NLGN1: variants seen among roughly 807,000 people sequenced by gnomAD.
NLGN1 encodes the protein neuroligin-1.
In NLGN1, 12 loss-of-function variants were observed where a neutral mutation model predicts 65.5. The observed-to-expected ratio is 0.18, with a 90% CI of 0.12 to 0.30. NLGN1 has a LOEUF of 0.30. Ranked by LOEUF, NLGN1 falls within the 10% of genes least tolerant of loss-of-function variation. The pLI is 1.00. For missense variants in NLGN1, 750 were observed against 1,007.1 expected, an observed-to-expected ratio of 0.74 and a Z score of 3.46; for synonymous variants, 350 against 359.5, an observed-to-expected ratio of 0.97 and a Z score of 0.30.
intron 3 of NLGN1, among the ~76,000 whole-genome samples, chr3:173,744,109 A>G (rs1468609650): frequency 6.6e-6 from 1 of 152,122 alleles, no homozygotes; most frequent in East Asian, 1.9e-4. Flanking sequence ...GGCCAAACTA[A>G]TCAACATTTA....
chr3:174,024,005 G>C (rs1728310196), intron 4 of NLGN1, among the ~76,000 whole-genome samples: 1 of 152,082 alleles, frequency 6.6e-6, no homozygotes, highest in Admixed American at 6.6e-5. Flanking sequence ...TAACATCACA[G>C]GGTGCAAGTA....
At chr3:173,647,030 G>C (rs191852549) in intron 3 of NLGN1, among the ~76,000 whole-genome samples, 1 of 152,218 alleles carries the variant, frequency 6.6e-6, no homozygotes. Context: ...AAGAAAGCCA[G>C]AATGGCTATG....
At chr3:173,716,473 A>T (rs945189493) in intron 3 of NLGN1, among the ~76,000 whole-genome samples, 16 of 152,142 alleles carry the variant, frequency 1.1e-4, no homozygotes, top group Non-Finnish European at 4.4e-5. Flanking sequence ...TGCTGCTAAT[A>T]TACAGGAAGC....
intron 4 of NLGN1, among the ~76,000 whole-genome samples, chr3:173,837,481 A>G (rs1024229592): frequency 2.6e-5 from 4 of 152,304 alleles, no homozygotes; most frequent in Middle Eastern, 3.4e-3. Context: ...TTATAAAAGT[A>G]TCTGAAGACT....
At chr3:174,211,929 GGCTGCAGGTGGA>G (rs1358269428) in intron 4 of NLGN1, among the ~76,000 whole-genome samples, 1 of 152,198 alleles carries the variant, frequency 6.6e-6, no homozygotes, top group East Asian at 1.9e-4. Flanking sequence ...CCCGCACTGG[GGCTGCAGGTGGA>G]GCTGCCTGCC....
chr3:173,803,540 G>A (rs994931712), intron 3 of NLGN1, among the ~76,000 whole-genome samples: 15 of 152,190 alleles, frequency 9.9e-5, no homozygotes, highest in African/African-American at 3.6e-4. Flanking sequence ...TCTGGGAGGT[G>A]GAGATTGCAA....
At chr3:173,684,822 TAGC>T (rs1174711202) in intron 3 of NLGN1, among the ~76,000 whole-genome samples, 3 of 152,344 alleles carry the variant, frequency 2.0e-5, no homozygotes, top group African/African-American at 7.2e-5. Context: ...TTCCTGACCT[TAGC>T]AGTTAAAATT....
At chr3:173,737,351 A>G (rs1325039508) in intron 3 of NLGN1, among the ~76,000 whole-genome samples, 2 of 151,978 alleles carry the variant, frequency 1.3e-5, no homozygotes, top group Admixed American at 6.6e-5. Context: ...TCACCACAAT[A>G]CATTTTGAAA....
At chr3:174,012,701 G>C (rs1473577032) in intron 4 of NLGN1, among the ~76,000 whole-genome samples, 2 of 152,054 alleles carry the variant, frequency 1.3e-5, no homozygotes, top group Admixed American at 6.6e-5. Flanking sequence ...GTCAAATATT[G>C]GTCATAGCTG....
chr3:173,812,644 T>A (rs542061430), intron 4 of NLGN1, among the ~76,000 whole-genome samples: 4 of 151,680 alleles, frequency 2.6e-5, no homozygotes, highest in African/African-American at 7.2e-5. Flanking sequence ...GGCGGAAGGA[T>A]CAGTTGCGTC....
chr3:173,807,702 C>G lies in NLGN1; in HGVS notation c.516C>G (p.Pro172=), dbSNP rs781061243. The G allele has an allele frequency of 4.3e-6, 7 of 1,613,616 alleles. No individual in the cohort carries two copies. The South Asian group carries it at 7.7e-5, about 18-fold the overall frequency. ...CAGATATTCGGGACAGTGGGGGTCC[C>G]AAACCAGTGATGGTGTATATCCATG... The change falls in exon 4 of 7, where the codon CCC becomes CCG. Residue 172 remains proline (P), a synonymous_variant. Coordinates refer to ENST00000457714, the Ensembl canonical transcript of NLGN1.
chr3:174,264,899 A>T (rs1388412589), intron 4 of NLGN1, among the ~76,000 whole-genome samples: 1 of 151,898 alleles, frequency 6.6e-6, no homozygotes, highest in Non-Finnish European at 1.5e-5. Flanking sequence ...TTTCCTTCTA[A>T]CAGAGAGGAC....
chr3:173,812,175 C>A (rs1025908219), intron 4 of NLGN1, among the ~76,000 whole-genome samples: 4 of 152,034 alleles, frequency 2.6e-5, no homozygotes, highest in African/African-American at 4.8e-5. Flanking sequence ...TTACACCACC[C>A]GTCCATGGAA....
chr3:173,707,390 T>C (rs1768199738), intron 3 of NLGN1, among the ~76,000 whole-genome samples: 1 of 152,178 alleles, frequency 6.6e-6, no homozygotes, highest in Non-Finnish European at 1.5e-5. Context: ...TCTGTGAAAC[T>C]AAGGGAATAA....
chr3:174,148,906 C>T (rs1457602801), intron 4 of NLGN1, among the ~76,000 whole-genome samples: 1 of 152,114 alleles, frequency 6.6e-6, no homozygotes, highest in Non-Finnish European at 1.5e-5. Context: ...ACAGGCATAC[C>T]AAATGAAGTA....
At chr3:173,423,520 C>A (rs77157597) in intron 1 of NLGN1, among the ~76,000 whole-genome samples, 6,246 of 152,128 alleles carry the variant, frequency 0.041, 423 homozygotes, top group African/African-American at 0.14. Context: ...TGTTCCCATT[C>A]CAAATTGGGA....
intron 4 of NLGN1, among the ~76,000 whole-genome samples, chr3:173,825,936 GT>G (rs1287289066): frequency 6.6e-6 from 1 of 151,868 alleles, no homozygotes; most frequent in Non-Finnish European, 1.5e-5. Context: ...AACAAGCAAG[GT>G]TACACCCAAG....
At chr3:173,735,893 T>C (rs559399628) in intron 3 of NLGN1, among the ~76,000 whole-genome samples, 44 of 152,260 alleles carry the variant, frequency 2.9e-4, no homozygotes, top group African/African-American at 9.1e-4. Flanking sequence ...CATTTTGAAA[T>C]GCTTTTTTGT....
intron 2 of NLGN1, among the ~76,000 whole-genome samples, chr3:173,514,880 A>G (rs771497550): frequency 7.2e-5 from 11 of 152,204 alleles, no homozygotes; most frequent in Non-Finnish European, 1.5e-4. Flanking sequence ...GTATGCATAT[A>G]CCAAAGTAAA....
Sources: allele counts gnomAD v4.1 joint callset (sites outside exome capture counted in the v4.1 genomes callset), GRCh38; gene constraint gnomAD v4.1.1; transcripts MANE v1.5; gene names NCBI Gene and HGNC (gene_info 2026-07-23, HGNC 2026-07-21).